KANK1: variants seen among roughly 807,000 people sequenced by gnomAD.
KANK1 encodes KN motif and ankyrin repeat domains 1.
Under a neutral mutation model 106.2 loss-of-function variants are expected in KANK1, and 109 were observed. The observed-to-expected ratio is 1.03, with a 90% CI of 0.88 to 1.20. The LOEUF (loss-of-function observed/expected upper bound fraction) is 1.20, where lower values mean the gene tolerates loss of function less well. Among genes scored for constraint, KANK1 ranks in the 50% most tolerant of loss-of-function variants. The probability of loss-of-function intolerance (pLI) is 0.00; values close to 1 mark genes in which losing one functional copy is unlikely to be tolerated. For missense variants in KANK1, 2,399 were observed against 1,710.7 expected, an observed-to-expected ratio of 1.40 and a Z score of -7.10; for synonymous variants, 873 against 652.2, an observed-to-expected ratio of 1.34 and a Z score of -5.16.
At chr9:582,380 T>C (rs1274939858) in intron 1 of KANK1, among the ~76,000 whole-genome samples, 1 of 152,240 alleles carries the variant, frequency 6.6e-6, no homozygotes. Flanking sequence ...AAGCATTTTC[T>C]ATAAATCTTC....
intron 2 of KANK1, among the ~76,000 whole-genome samples, chr9:701,170 A>G (rs1289580536): frequency 6.6e-6 from 1 of 152,116 alleles, no homozygotes; most frequent in Non-Finnish European, 1.5e-5. Flanking sequence ...CTGGAGTGCA[A>G]TGTCATGATC....
At chr9:743,551 C>G (rs2132336950) in intron 10 of KANK1, among the ~76,000 whole-genome samples, 1 of 152,240 alleles carries the variant, frequency 6.6e-6, no homozygotes, top group South Asian at 2.1e-4. Context: ...CTGCTGCTGA[C>G]CAGAGGGAAA....
chr9:639,140 G>A (rs1398868060), intron 1 of KANK1, among the ~76,000 whole-genome samples: 1 of 151,982 alleles, frequency 6.6e-6, no homozygotes, highest in African/African-American at 2.4e-5. Context: ...GTTTCACTAG[G>A]CTTCAACAGG....
chr9:521,889 C>T (rs149937564), intron 1 of KANK1, among the ~76,000 whole-genome samples: 7 of 151,592 alleles, frequency 4.6e-5, no homozygotes, highest in East Asian at 1.9e-4. Context: ...ATTGAATGAA[C>T]GTCTACTATG....
chr9:731,970 C>T (rs955049958), intron 5 of KANK1: 12 of 161,002 alleles, frequency 7.5e-5, no homozygotes, highest in Non-Finnish European at 1.5e-4. Context: ...AGGGCATACA[C>T]CAGAAAAACT....
chr9:713,481 G>C lies in KANK1; in HGVS notation c.2698+17G>C, dbSNP rs1245026738. ...AAATCACAGGTAGGTGGTACCCTGA[G>C]GACCTGGGAATGAGGAAGGATGGGG... On this transcript the variant is annotated intron_variant, in intron 3 of 11. Transcript: ENST00000382297. The C allele has an allele frequency of 6.5e-7, 1 of 1,533,098 alleles. No individual in the cohort carries two copies. Among genetic ancestry groups the C allele is most frequent in the Non-Finnish European group, 8.7e-7 (1 of 1,143,250 alleles). The allele number at this position is 1,533,098 out of a possible 1,614,324, so 95.0% of individuals were successfully genotyped here. A position where few individuals can be genotyped will look rare whatever the true frequency, so the allele number is the denominator to read the frequency against.
intron 1 of KANK1, among the ~76,000 whole-genome samples, chr9:654,376 A>T (rs1443939934): frequency 6.6e-6 from 1 of 152,198 alleles, no homozygotes; most frequent in Non-Finnish European, 1.5e-5. Flanking sequence ...GTAAATTTTA[A>T]CACCATGTCA....
chr9:615,373 T>G (rs924009546), intron 1 of KANK1, among the ~76,000 whole-genome samples: 2 of 152,202 alleles, frequency 1.3e-5, no homozygotes, highest in East Asian at 3.8e-4. Flanking sequence ...TGCTCTTCCT[T>G]TTTGCTAGAA....
intron 3 of KANK1, among the ~76,000 whole-genome samples, chr9:498,206 C>G (rs1051952128): frequency 2.0e-5 from 3 of 152,166 alleles, no homozygotes; most frequent in African/African-American, 7.2e-5. Flanking sequence ...AACAGTTGGG[C>G]TATTGCTATT....
Position 711,807 on chromosome 9 carries a change from T to G in KANK1, c.1041T>G (p.Ile347Met), listed in dbSNP as rs764042055. 2.5e-6 allele frequency: 4 copies of G among 1,613,858 alleles called. No individual in the cohort carries two copies. In the South Asian group the frequency reaches 4.4e-5, roughly 18 times the overall value. Residue 347 changes from isoleucine to methionine, a missense_variant, in exon 3 of 12, where the codon ATT becomes ATG. Ile to Met is a conservative substitution (Grantham distance 10). Coordinates refer to ENST00000382297, the MANE Select transcript of KANK1 (RefSeq NM_015158.5). Reference sequence around the variant, plus strand: ...GAAGAAGTGGCGGGGAATTATACATTGACTATGAGGAGGAAGAAATGGAGA... The same window carrying G: ...GAAGAAGTGGCGGGGAATTATACATGGACTATGAGGAGGAAGAAATGGAGA... ...RARRSGGELY[I>M]DYEEEEMETV...
chr9:658,373 C>T (rs1230205503), intron 1 of KANK1, among the ~76,000 whole-genome samples: 1 of 152,060 alleles, frequency 6.6e-6, no homozygotes, highest in African/African-American at 2.4e-5. Context: ...CTCTGCTTAC[C>T]TCTCACTTCA....
chr9:628,279 T>A (rs543981189), intron 1 of KANK1, among the ~76,000 whole-genome samples: 2 of 152,288 alleles, frequency 1.3e-5, no homozygotes, highest in East Asian at 3.9e-4. Flanking sequence ...TGTGCTTTCA[T>A]TCCCTTCAGT....
At chr9:503,698 T>C (rs185291652), upstream of KANK1, among the ~76,000 whole-genome samples, 128 of 152,284 alleles carry the variant, frequency 8.4e-4, no homozygotes, top group Admixed American at 2.3e-3. Flanking sequence ...GAGTAATACC[T>C]GGTTTTTATA....
chr9:665,733 GTAAACTGCTTTGGGTAGGA>G (rs1415334530), intron 1 of KANK1, among the ~76,000 whole-genome samples: 3 of 152,180 alleles, frequency 2.0e-5, no homozygotes, highest in African/African-American at 7.2e-5. Flanking sequence ...CATTGAATCA[GTAAACTGCTTTGGGTAGGA>G]TTGTCATTTT....
chr9:742,909 C>G (rs554568296), intron 10 of KANK1, among the ~76,000 whole-genome samples: 1 of 152,328 alleles, frequency 6.6e-6, no homozygotes, highest in Non-Finnish European at 1.5e-5. Context: ...TGCAGAGTAG[C>G]TTGACTTCTT....
intron 1 of KANK1, among the ~76,000 whole-genome samples, chr9:650,213 C>T (rs762945170): frequency 2.0e-5 from 3 of 152,150 alleles, no homozygotes; most frequent in Non-Finnish European, 4.4e-5. Flanking sequence ...CATAAATCTA[C>T]CTTTCTCTGT....
At chr9:723,937 C>T (rs370880829) in intron 3 of KANK1, among the ~76,000 whole-genome samples, 2 of 71,086 alleles carry the variant, frequency 2.8e-5, no homozygotes, top group Non-Finnish European at 5.9e-5. Flanking sequence ...ATTAAAAATA[C>T]GAAAAAAAAA....
intron 1 of KANK1, among the ~76,000 whole-genome samples, chr9:654,983 A>G (rs1157243860): frequency 6.6e-6 from 1 of 152,158 alleles, no homozygotes; most frequent in East Asian, 1.9e-4. Context: ...AGCAGTTGGA[A>G]TCTCCTGGAG....
intron 1 of KANK1, among the ~76,000 whole-genome samples, chr9:656,527 C>A (rs773174436): frequency 6.6e-6 from 1 of 152,132 alleles, no homozygotes; most frequent in African/African-American, 2.4e-5. Context: ...TGTGACCATA[C>A]TGCTATTCTC....
Sources: allele counts gnomAD v4.1 joint callset (sites outside exome capture counted in the v4.1 genomes callset), GRCh38; gene constraint gnomAD v4.1.1; transcripts MANE v1.5; gene names NCBI Gene and HGNC (gene_info 2026-07-23, HGNC 2026-07-21).